The following CDC42SE2 variants were observed in gnomAD, a reference collection of about 807,000 sequenced individuals.
CDC42SE2 encodes the protein CDC42 small effector 2.
A neutral mutation model predicts 11.5 loss-of-function variants in CDC42SE2; 3 were observed. The ratio of observed to expected loss-of-function variants is 0.26; its 90% confidence interval spans 0.12 to 0.67. The LOEUF (loss-of-function observed/expected upper bound fraction) is 0.67, where lower values mean the gene tolerates loss of function less well. Ranked by LOEUF, CDC42SE2 falls within the 30% of genes least tolerant of loss-of-function variation. CDC42SE2 has a pLI of 0.80. For synonymous variants in CDC42SE2, 33 were observed against 34.8 expected (o/e 0.95, Z 0.18); for missense variants, 82 against 106.8 (o/e 0.77, Z 1.02).
At chr5:131,282,083 C>A (rs1757247685) in intron 1 of CDC42SE2, among the ~76,000 whole-genome samples, 1 of 152,066 alleles carries the variant, frequency 6.6e-6, no homozygotes. Flanking sequence ...ATTTTAATTT[C>A]CCTGTCTAAG....
At chr5:131,241,010 G>A (rs1756536380), upstream of CDC42SE2, among the ~76,000 whole-genome samples, 1 of 151,826 alleles carries the variant, frequency 6.6e-6, no homozygotes, top group Non-Finnish European at 1.5e-5. Flanking sequence ...ACGGAGTCTT[G>A]CTCTGTCGCC....
the CDC42SE2 span, among the ~76,000 whole-genome samples, chr5:131,239,367 G>A: frequency 0.021 from 3,250 of 151,360 alleles, 133 homozygotes; most frequent in African/African-American, 0.075. Context: ...AGCCCAGGAT[G>A]TCAAGGCTGC....
intron 3 of CDC42SE2, among the ~76,000 whole-genome samples, chr5:131,379,635 A>T (rs1473632398): frequency 6.6e-6 from 1 of 152,202 alleles, no homozygotes; most frequent in African/African-American, 2.4e-5. Flanking sequence ...AAGTTATGGG[A>T]AGAGACATTT....
At chr5:131,382,621 G>T (rs1376753328) in intron 3 of CDC42SE2, among the ~76,000 whole-genome samples, 1 of 152,148 alleles carries the variant, frequency 6.6e-6, no homozygotes, top group East Asian at 1.9e-4. Flanking sequence ...TCCCCTGCTT[G>T]AGAGAGCCAA....
intron 1 of CDC42SE2, among the ~76,000 whole-genome samples, chr5:131,248,339 C>T (rs560306708): frequency 1.4e-4 from 22 of 152,038 alleles, no homozygotes; most frequent in Non-Finnish European, 2.6e-4. Context: ...GGGGTTTCAC[C>T]GTGTTGGTCA....
chr5:131,350,424 A>G (rs1451414561), intron 2 of CDC42SE2, among the ~76,000 whole-genome samples: 3 of 152,084 alleles, frequency 2.0e-5, no homozygotes, highest in Admixed American at 6.5e-5. Context: ...ATTGAATTAC[A>G]GAAGTAAAAC....
the CDC42SE2 span, among the ~76,000 whole-genome samples, chr5:131,214,824 T>G: frequency 0.019 from 2,871 of 152,286 alleles, 43 homozygotes; most frequent in Middle Eastern, 0.085. Flanking sequence ...GGGCAACTCT[T>G]AGAAAGAGCC....
chr5:131,311,218 A>G (rs1221516978), intron 1 of CDC42SE2, among the ~76,000 whole-genome samples: 1 of 151,324 alleles, frequency 6.6e-6, no homozygotes, highest in South Asian at 2.1e-4. Context: ...GTTTGGCTGG[A>G]TATGCAATTC....
rs530422191 is a variant in CDC42SE2, at chr5:131,308,760, G to T, written c.-454-7216G>T. Among the ~76,000 whole-genome samples the T allele has an allele frequency of 1.9e-3, 290 of 150,932 alleles. 1 individual carries two copies. Among genetic ancestry groups the T allele is most frequent in the Non-Finnish European group, 3.4e-3 (227 of 67,664 alleles). On this transcript the variant is annotated intron_variant, in intron 1 of 4. Coordinates refer to ENST00000505065, the MANE Select transcript of CDC42SE2 (RefSeq NM_001375635.1). Reference sequence around the variant, plus strand: ...GGCTCTCTGTTTGTCTGTTGTTGGTGTATAAGAATGCTTGTGATTTTTGTA... The same window carrying T: ...GGCTCTCTGTTTGTCTGTTGTTGGTTTATAAGAATGCTTGTGATTTTTGTA...
Position 131,394,341 on chromosome 5 carries a change from T to C in CDC42SE2, c.*3250T>C, listed in dbSNP as rs917997973. The stretch of plus-strand genomic sequence containing the variant: ...AGGCATGAAGTGGTGCCAGTAAGCG[T>C]AGAGCGGAAATGTTGACTTTAGTTA... On this transcript the variant is annotated 3_prime_UTR_variant, in exon 5 of 5. Coordinates refer to ENST00000505065, the MANE Select transcript of CDC42SE2 (RefSeq NM_001375635.1). 6.6e-6 allele frequency: 1 copy of C among 152,342 alleles called. No homozygotes were observed. Among genetic ancestry groups the C allele is most frequent in the East Asian group, 1.9e-4 (1 of 5,334 alleles). 9.4% of individuals were successfully genotyped at this position (152,342 alleles called of 1,614,324 possible). A position where few individuals can be genotyped will look rare whatever the true frequency, so the allele number is the denominator to read the frequency against.
At chr5:131,309,044 C>G (rs1298106975) in intron 1 of CDC42SE2, among the ~76,000 whole-genome samples, 2 of 151,500 alleles carry the variant, frequency 1.3e-5, no homozygotes, top group Non-Finnish European at 2.9e-5. Flanking sequence ...GGGAATGCTT[C>G]CAGTTTTTGC....
intron 2 of CDC42SE2, among the ~76,000 whole-genome samples, chr5:131,327,650 T>G (rs1211230951): frequency 6.6e-6 from 1 of 152,162 alleles, no homozygotes; most frequent in African/African-American, 2.4e-5. Flanking sequence ...AACCAAATAA[T>G]CAAAGGGTTT....
intron 1 of CDC42SE2, among the ~76,000 whole-genome samples, chr5:131,293,285 C>T (rs991594768): frequency 2.6e-5 from 4 of 152,080 alleles, no homozygotes; most frequent in African/African-American, 9.7e-5. Flanking sequence ...AGAAAGTGGG[C>T]CCTCAGCCGG....
intron 1 of CDC42SE2, among the ~76,000 whole-genome samples, chr5:131,279,799 G>A (rs1757200895): frequency 2.6e-5 from 4 of 152,184 alleles, no homozygotes; most frequent in African/African-American, 9.7e-5. Context: ...ACTGGGCACA[G>A]TGGTTGGCTC....
rs919747585 is a variant in CDC42SE2, at chr5:131,264,087, A to G, written c.-534A>G. The G allele has an allele frequency of 2.6e-5, 4 of 152,130 alleles. No homozygotes were observed. Among genetic ancestry groups the G allele is most frequent in the African/African-American group, 7.2e-5 (3 of 41,404 alleles). 9.4% of individuals were successfully genotyped at this position (152,130 alleles called of 1,614,324 possible). On this transcript the variant is annotated 5_prime_UTR_variant, in exon 1 of 5. Transcript: ENST00000505065. Reference sequence around the variant, plus strand: ...CGAGCGCGCTGGGGAGCGCAGCTGCAGGCGTTGGGGCGGCAGGAGCCGCGG... The same window carrying G: ...CGAGCGCGCTGGGGAGCGCAGCTGCGGGCGTTGGGGCGGCAGGAGCCGCGG...
intron 1 of CDC42SE2, among the ~76,000 whole-genome samples, chr5:131,309,283 C>T (rs1165199558): frequency 1.3e-5 from 2 of 150,436 alleles, no homozygotes; most frequent in Non-Finnish European, 3.0e-5. Context: ...GCCTTGCATC[C>T]CAGGGATGAA....
chr5:131,310,564 A>T (rs1351376222), intron 1 of CDC42SE2, among the ~76,000 whole-genome samples: 30 of 151,576 alleles, frequency 2.0e-4, no homozygotes, highest in African/African-American at 6.6e-4. Flanking sequence ...ATCTCCCATT[A>T]TTAATGTGTG....
chr5:131,356,900 C>T (rs1332351417), intron 2 of CDC42SE2, among the ~76,000 whole-genome samples: 1 of 152,060 alleles, frequency 6.6e-6, no homozygotes, highest in African/African-American at 2.4e-5. Flanking sequence ...ACAGTGAGAC[C>T]CTATCTGAAA....
chr5:131,335,633 T>G (rs2149746111), intron 2 of CDC42SE2, among the ~76,000 whole-genome samples: 1 of 152,350 alleles, frequency 6.6e-6, no homozygotes, highest in East Asian at 1.9e-4. Flanking sequence ...AAGGACTTGC[T>G]TTATGAATCT....
Sources: gnomAD v4.1 joint callset for allele counts (sites outside exome capture counted in the v4.1 genomes callset) on GRCh38, gnomAD v4.1.1 for gene constraint, MANE v1.5 for transcripts, NCBI Gene and HGNC (gene_info 2026-07-23, HGNC 2026-07-21) for gene names.